Variants in KCNMA1 observed in about 807,000 individuals in gnomAD.
KCNMA1 encodes Calcium-activated potassium channel subunit alpha-1.
In KCNMA1, 29 loss-of-function variants were observed where a neutral mutation model predicts 140.0. That is an observed-to-expected ratio of 0.21 (90% CI 0.15 to 0.28). The LOEUF is 0.28. Among genes scored for constraint, KCNMA1 ranks in the 10% least tolerant of loss-of-function variants. The pLI is 1.00. For synonymous variants in KCNMA1, 612 were observed against 611.9 expected, an observed-to-expected ratio of 1.00 and a Z score of 0.00; for missense variants, 880 against 1,602.2, an observed-to-expected ratio of 0.55 and a Z score of 7.70.
chr10:77,365,743 G>T (rs1187495127), intron 2 of KCNMA1, among the ~76,000 whole-genome samples: 1 of 152,128 alleles, frequency 6.6e-6, no homozygotes, highest in African/African-American at 2.4e-5. Flanking sequence ...TGAGTTCTGA[G>T]AACCGATTTC....
intron 1 of KCNMA1, among the ~76,000 whole-genome samples, chr10:77,485,993 G>C (rs2098455733): frequency 6.6e-6 from 1 of 152,086 alleles, no homozygotes; most frequent in Admixed American, 6.5e-5. Context: ...GCCCTACCCT[G>C]ACCTCTGCTG....
chr10:77,239,867 G>T (rs1320450189), intron 3 of KCNMA1, among the ~76,000 whole-genome samples: 1 of 152,188 alleles, frequency 6.6e-6, no homozygotes, highest in East Asian at 1.9e-4. Context: ...TCAGCAAATT[G>T]TGAACTTTAG....
Position 77,393,270 on chromosome 10 carries a change from C to G in KCNMA1, c.540+10592G>C, listed in dbSNP as rs565964016. 1.7e-4 allele frequency among the ~76,000 whole-genome samples: 11 copies of G among 65,406 alleles called. No homozygotes were observed. The South Asian group carries it at 4.4e-3, about 26-fold the overall frequency. 42.9% of individuals were successfully genotyped at this position (65,406 alleles called of 152,430 possible). ...GAAGATGTCTGGGTTTGGGGAGGCT[C>G]AAGGGCTGTTCTTCTACCCCTGCCC... On this transcript the variant is annotated intron_variant, in intron 2 of 27. Transcript: ENST00000286628.
intron 2 of KCNMA1, among the ~76,000 whole-genome samples, chr10:77,304,197 A>G (rs1188755113): frequency 6.6e-6 from 1 of 152,262 alleles, no homozygotes; most frequent in African/African-American, 2.4e-5. Flanking sequence ...AAAGAATGAG[A>G]TACCCTGCAG....
intron 23 of KCNMA1, among the ~76,000 whole-genome samples, chr10:76,920,385 C>G (rs896983914): frequency 5.9e-5 from 9 of 152,000 alleles, no homozygotes; most frequent in Non-Finnish European, 1.3e-4. Context: ...TATGTATATA[C>G]TACTATTTTT....
intron 1 of KCNMA1, among the ~76,000 whole-genome samples, chr10:77,500,154 C>A (rs938205516): frequency 2.0e-5 from 3 of 151,030 alleles, no homozygotes; most frequent in Non-Finnish European, 3.0e-5. Flanking sequence ...ACAAAAAAGA[C>A]TGCAAAAAGC....
intron 1 of KCNMA1, among the ~76,000 whole-genome samples, chr10:77,629,344 T>C (rs919093309): frequency 6.6e-6 from 1 of 152,202 alleles, no homozygotes; most frequent in Non-Finnish European, 1.5e-5. Flanking sequence ...CCTTGTTAGC[T>C]ACTGATCAAG....
chr10:77,126,885 G>A (rs367638765), intron 5 of KCNMA1, among the ~76,000 whole-genome samples: 4 of 152,098 alleles, frequency 2.6e-5, no homozygotes, highest in African/African-American at 7.2e-5. Context: ...ACAGGCATGG[G>A]CATTAAATCC....
intron 1 of KCNMA1, among the ~76,000 whole-genome samples, chr10:77,412,824 C>T (rs1179931522): frequency 2.0e-5 from 3 of 152,086 alleles, no homozygotes; most frequent in African/African-American, 7.2e-5. Flanking sequence ...AGTAAAAGTC[C>T]ATAGGCCCAT....
chr10:76,961,159 C>T (rs1186602702), intron 20 of KCNMA1, among the ~76,000 whole-genome samples: 1 of 150,662 alleles, frequency 6.6e-6, no homozygotes, highest in Non-Finnish European at 1.5e-5. Flanking sequence ...ATTCTAGATG[C>T]TAATAAGAAC....
intron 1 of KCNMA1, among the ~76,000 whole-genome samples, chr10:77,628,226 A>T (rs1476104568): frequency 6.6e-6 from 1 of 152,238 alleles, no homozygotes; most frequent in Admixed American, 6.5e-5. Flanking sequence ...TCGTGGCTGA[A>T]TAGTTTCGTA....
chr10:77,386,401 A>G (rs1015105505), intron 2 of KCNMA1, among the ~76,000 whole-genome samples: 14 of 152,224 alleles, frequency 9.2e-5, no homozygotes, highest in African/African-American at 3.4e-4. Context: ...GGGAAGAGGA[A>G]GAATTGAGGA....
chr10:77,017,246 G>A (rs2092230025), intron 17 of KCNMA1, among the ~76,000 whole-genome samples: 2 of 152,178 alleles, frequency 1.3e-5, no homozygotes, highest in South Asian at 4.1e-4. Flanking sequence ...CTATCTGGGA[G>A]GTATACGTGA....
intron 2 of KCNMA1, among the ~76,000 whole-genome samples, chr10:77,332,875 A>G (rs1185486144): frequency 6.6e-6 from 1 of 152,244 alleles, no homozygotes; most frequent in Non-Finnish European, 1.5e-5. Context: ...AGCAGTATCT[A>G]TACTCTAACA....
chr10:77,484,342 G>A (rs2098437574), intron 1 of KCNMA1, among the ~76,000 whole-genome samples: 1 of 152,174 alleles, frequency 6.6e-6, no homozygotes, highest in Non-Finnish European at 1.5e-5. Flanking sequence ...AAAGAAGGAA[G>A]GAGAAATCAG....
intron 1 of KCNMA1, among the ~76,000 whole-genome samples, chr10:77,621,945 C>A (rs993667741): frequency 1.3e-5 from 2 of 152,140 alleles, no homozygotes; most frequent in African/African-American, 4.8e-5. Context: ...AGAAAAATGA[C>A]CCAATATTGA....
At chr10:76,871,023 G>T (rs10824460) in exon 28 of KCNMA1, 46,593 of 151,994 alleles carry the variant, frequency 0.31, 8,197 homozygotes, top group Non-Finnish European at 0.4. Context: ...TACTTATTTT[G>T]CTCCTTCTTA....
At chr10:76,937,596 C>T (rs1360433697) in intron 23 of KCNMA1, among the ~76,000 whole-genome samples, 1 of 152,146 alleles carries the variant, frequency 6.6e-6, no homozygotes, top group Admixed American at 6.5e-5. Flanking sequence ...TGCTTTTTGT[C>T]ATCCAGTAAT....
In KCNMA1 at chr10:76,931,664, G is replaced by A. The variant is rs183618069; in HGVS notation, c.2902+13109C>T. 1.4e-3 allele frequency among the ~76,000 whole-genome samples: 213 copies of A among 152,270 alleles called. 1 individual carries two copies. The highest frequency in any genetic ancestry group is 5.0e-3 in the African/African-American group (208 of 41,562). ...AACCCCAGAGGTTGGAAGTGTATGA[G>A]GTTTTCTGTCAGCGAGCTGTCCCAA... On this transcript the variant is annotated intron_variant, in intron 23 of 27. Coordinates refer to ENST00000286628, the MANE Select transcript of KCNMA1 (RefSeq NM_001161352.2).
Sources: gnomAD v4.1 joint callset for allele counts (sites outside exome capture counted in the v4.1 genomes callset) on GRCh38, gnomAD v4.1.1 for gene constraint, MANE v1.5 for transcripts, NCBI Gene and HGNC (gene_info 2026-07-23, HGNC 2026-07-21) for gene names.